RAB31: variants seen among roughly 807,000 people sequenced by gnomAD.
The protein encoded by RAB31 is RAB31, member RAS oncogene family.
In RAB31, 21 loss-of-function variants were observed where a neutral mutation model predicts 25.6. The ratio of observed to expected loss-of-function variants is 0.82; its 90% CI spans 0.58 to 1.18. The LOEUF is 1.18. Ranked by LOEUF, RAB31 falls within the 50% of genes most tolerant of loss-of-function variation. The pLI is 0.00. For missense variants in RAB31, 196 were observed against 250.1 expected, an observed-to-expected ratio of 0.78 and a Z score of 1.46; for synonymous variants, 87 against 84.0, an observed-to-expected ratio of 1.04 and a Z score of -0.20.
intron 3 of RAB31, among the ~76,000 whole-genome samples, chr18:9,803,448 G>A (rs1010527877): frequency 6.6e-6 from 1 of 152,040 alleles, no homozygotes. Flanking sequence ...TCACTATACT[G>A]TCCAGGCTGG....
chr18:9,789,317 AC>A (rs2068448499), intron 2 of RAB31, among the ~76,000 whole-genome samples: 1 of 152,334 alleles, frequency 6.6e-6, no homozygotes, highest in East Asian at 1.9e-4. Flanking sequence ...GTTCTGTAGC[AC>A]TGTAGGATGA....
chr18:9,823,762 A>C (rs939829300), intron 5 of RAB31, among the ~76,000 whole-genome samples: 1 of 152,226 alleles, frequency 6.6e-6, no homozygotes, highest in African/African-American at 2.4e-5. Context: ...CCAAATGATT[A>C]AATTAACCAT....
At chr18:9,765,728 A>G (rs2068312460) in intron 1 of RAB31, among the ~76,000 whole-genome samples, 1 of 152,184 alleles carries the variant, frequency 6.6e-6, no homozygotes, top group African/African-American at 2.4e-5. Flanking sequence ...CTTTGACACA[A>G]AGGGAGGCCT....
chr18:9,826,642 C>G (rs1461001878), intron 5 of RAB31, among the ~76,000 whole-genome samples: 1 of 152,142 alleles, frequency 6.6e-6, no homozygotes, highest in Non-Finnish European at 1.5e-5. Flanking sequence ...TTTGAACAAC[C>G]CTAAACAAAT....
rs998770148 is a variant in RAB31 at position 9,708,977 on chromosome 18, A to G, written c.39+533A>G. Reference sequence around the variant, plus strand: ...AATTGATTTACTCACGTAAAACAGAAAAATAAAACCAAAAGCGAACCCAGC... The same window carrying G: ...AATTGATTTACTCACGTAAAACAGAGAAATAAAACCAAAAGCGAACCCAGC... On this transcript the variant is annotated intron_variant, in intron 1 of 6. Transcript: ENST00000578921. The surrounding 1 kb of genome is among the most constrained non-coding windows in gnomAD (Gnocchi z 6.4). Among the ~76,000 whole-genome samples the G allele has an allele frequency of 5.3e-5, 8 of 152,218 alleles. No homozygotes were observed. The highest frequency in any genetic ancestry group is 7.3e-5 in the Non-Finnish European group (5 of 68,030).
chr18:9,745,202 A>G (rs2068199474), intron 1 of RAB31, among the ~76,000 whole-genome samples: 2 of 152,246 alleles, frequency 1.3e-5, no homozygotes, highest in Non-Finnish European at 1.5e-5. Context: ...TAGATAACCT[A>G]GAAGAATTAG....
At chr18:9,730,239 C>T (rs148159239) in intron 1 of RAB31, among the ~76,000 whole-genome samples, 22 of 151,774 alleles carry the variant, frequency 1.4e-4, no homozygotes, top group Admixed American at 6.6e-4. Context: ...ATTTAAAATA[C>T]GCATTTAGTG....
At chr18:9,810,457 C>T (rs1193284571) in intron 3 of RAB31, among the ~76,000 whole-genome samples, 1 of 152,134 alleles carries the variant, frequency 6.6e-6, no homozygotes, top group African/African-American at 2.4e-5. Flanking sequence ...TCTTTTTGTC[C>T]TCCACCAAGA....
chr18:9,851,607 A>G (rs755866872), intron 6 of RAB31, among the ~76,000 whole-genome samples: 21 of 152,230 alleles, frequency 1.4e-4, no homozygotes, highest in Non-Finnish European at 2.9e-4. Context: ...GCTTGTCTAT[A>G]TCATGTCCCA....
rs1429813047 is a variant in RAB31 at position 9,708,485 on chromosome 18, G to T, written c.39+41G>T. ...CACCCGCCGGCGGACCCCGGCCCGC[G>T]CTCTCGCGCCCCTTCGCTCCCCTAT... On this transcript the variant is annotated intron_variant, in intron 1 of 6. Coordinates refer to ENST00000578921, the MANE Select transcript of RAB31 (RefSeq NM_006868.4). This position sits in a 1 kb window ranked among gnomAD's most constrained non-coding sequence, Gnocchi z 6.4. The T allele has an allele frequency of 2.0e-6, 3 of 1,525,156 alleles. No homozygotes were observed. The highest frequency in any genetic ancestry group is 1.2e-5 in the South Asian group (1 of 83,308). The allele number at this position is 1,525,156 out of a possible 1,614,324, so 94.5% of individuals were successfully genotyped here.
intron 6 of RAB31, among the ~76,000 whole-genome samples, chr18:9,851,680 G>A: frequency 6.6e-6 from 1 of 152,116 alleles, no homozygotes; most frequent in East Asian, 1.9e-4. Flanking sequence ...TTACTGAACT[G>A]TCCAAAAGTT....
At chr18:9,770,214 A>AG (rs1413854813) in intron 1 of RAB31, among the ~76,000 whole-genome samples, 47 of 152,286 alleles carry the variant, frequency 3.1e-4, no homozygotes, top group African/African-American at 1.1e-3. Flanking sequence ...AAAATGAGTT[A>AG]GGGAGGAGTC....
chr18:9,726,780 A>G (rs2068098026), intron 1 of RAB31, among the ~76,000 whole-genome samples: 1 of 152,178 alleles, frequency 6.6e-6, no homozygotes, highest in African/African-American at 2.4e-5. Flanking sequence ...TTGAAGTATA[A>G]CATACAAAGT....
At chr18:9,791,576 T>TTTTTA (rs1253207689) in intron 2 of RAB31, among the ~76,000 whole-genome samples, 6 of 151,784 alleles carry the variant, frequency 4.0e-5, no homozygotes, top group African/African-American at 1.5e-4. Flanking sequence ...TTTTGTTTTA[T>TTTTTA]TTTTATTTTA....
chr18:9,799,030 G>T (rs1375930413), intron 3 of RAB31, among the ~76,000 whole-genome samples: 1 of 152,148 alleles, frequency 6.6e-6, no homozygotes, highest in East Asian at 1.9e-4. Context: ...GTTGCAGTGA[G>T]CTGAGATTGC....
intron 1 of RAB31, among the ~76,000 whole-genome samples, chr18:9,750,711 G>A (rs1432204747): frequency 6.6e-6 from 1 of 152,168 alleles, no homozygotes; most frequent in Non-Finnish European, 1.5e-5. Context: ...CTATGAGTTC[G>A]GAGAAGGTCT....
intron 2 of RAB31, among the ~76,000 whole-genome samples, chr18:9,776,158 T>TA (rs2068371383): frequency 6.6e-6 from 1 of 152,212 alleles, no homozygotes; most frequent in Non-Finnish European, 1.5e-5. Context: ...AGTGCATTGT[T>TA]AAATTCTCCT....
chr18:9,809,065 C>T (rs1398931957), intron 3 of RAB31, among the ~76,000 whole-genome samples: 1 of 94,726 alleles, frequency 1.1e-5, no homozygotes, highest in Non-Finnish European at 2.6e-5. Flanking sequence ...TGCGCGCGCA[C>T]GCGTGGGTGT....
chr18:9,843,693 G>GTC (rs2068746138), intron 5 of RAB31, among the ~76,000 whole-genome samples: 1 of 152,168 alleles, frequency 6.6e-6, no homozygotes, highest in South Asian at 2.1e-4. Context: ...ACAGGCCTGG[G>GTC]TCTTGTCTGT....
Sources: allele counts gnomAD v4.1 joint callset (sites outside exome capture counted in the v4.1 genomes callset), GRCh38; gene constraint gnomAD v4.1.1; non-coding constraint Gnocchi (gnomAD v3.1); transcripts MANE v1.5; gene names NCBI Gene and HGNC (gene_info 2026-07-23, HGNC 2026-07-21).